TPO: variants seen among roughly 807,000 people sequenced by gnomAD.
The protein encoded by TPO is thyroid peroxidase.
Under a neutral mutation model 96.9 loss-of-function variants are expected in TPO, and 78 were observed. The observed-to-expected ratio is 0.81, with a 90% confidence interval of 0.67 to 0.97. The LOEUF is 0.97. Among genes scored for constraint, TPO ranks in the 50% least tolerant of loss-of-function variants. The pLI, the probability that TPO is intolerant of heterozygous loss-of-function variation, is 0.00. For missense variants in TPO, 1,252 were observed against 1,274.8 expected, an observed-to-expected ratio of 0.98 and a Z score of 0.27; for synonymous variants, 547 against 538.0, an observed-to-expected ratio of 1.02 and a Z score of -0.23.
At chr2:1,397,557 A>G (rs1411032651) in intron 1 of TPO, among the ~76,000 whole-genome samples, 1 of 152,222 alleles carries the variant, frequency 6.6e-6, no homozygotes, top group African/African-American at 2.4e-5. Flanking sequence ...AGACATAGCC[A>G]GCTCTCGGCC....
chr2:1,453,572 C>T (rs1667508197), intron 5 of TPO, 122 bp from the exon 6 acceptor site: 1 of 1,496,930 alleles, frequency 6.7e-7, no homozygotes, highest in African/African-American at 1.4e-5. Context: ...GGGAGCTGTG[C>T]CCCTTGGGCC....
chr2:1,412,028 A>G (rs1250403617), upstream of TPO, among the ~76,000 whole-genome samples: 7 of 152,184 alleles, frequency 4.6e-5, no homozygotes, highest in Non-Finnish European at 5.9e-5. Flanking sequence ...CTCACAGTCC[A>G]CTACTGTATC....
chr2:1,478,129 AG>A, intron 8 of TPO: 1 of 985,438 alleles, frequency 1.0e-6, no homozygotes, highest in East Asian at 1.1e-4. Flanking sequence ...TGAACTAACA[AG>A]TTAGAGTCTA....
At chr2:1,404,454 A>G (rs1030618020) in intron 1 of TPO, among the ~76,000 whole-genome samples, 1 of 152,192 alleles carries the variant, frequency 6.6e-6, no homozygotes, top group African/African-American at 2.4e-5. Context: ...GCATTTCAGA[A>G]TGTACCTGGA....
intron 15 of TPO, 30 bp from the exon 16 acceptor site, chr2:1,540,541 CACAGTCACGGTGCCGGACCCTCT>C: frequency 6.2e-7 from 1 of 1,607,518 alleles, no homozygotes; most frequent in Non-Finnish European, 8.5e-7. Context: ...CTCTACCCTC[CACAGTCACGGTGCCGGACCCTCT>C]CCCGATAACT....
chr2:1,449,577 G>A (rs987796464), intron 5 of TPO, among the ~76,000 whole-genome samples: 1 of 152,172 alleles, frequency 6.6e-6, no homozygotes, highest in Non-Finnish European at 1.5e-5. Context: ...AAGAGTTTAA[G>A]TTGCACTTGT....
chr2:1,502,744 G>A (rs1018764904), intron 13 of TPO, among the ~76,000 whole-genome samples: 16 of 152,304 alleles, frequency 1.1e-4, no homozygotes, highest in African/African-American at 2.4e-4. Context: ...ATTAAAGACC[G>A]TACTGTTTAG....
chr2:1,508,325 A>G (rs910442990), intron 14 of TPO, among the ~76,000 whole-genome samples: 82 of 152,260 alleles, frequency 5.4e-4, no homozygotes, highest in African/African-American at 1.9e-3. Context: ...ATGTTCATCA[A>G]GGATATTGGT....
At chr2:1,538,821 G>A (rs1026996461) in intron 15 of TPO, among the ~76,000 whole-genome samples, 3 of 152,138 alleles carry the variant, frequency 2.0e-5, no homozygotes, top group Admixed American at 6.5e-5. Flanking sequence ...AGCAAGTCAC[G>A]GTGTTGGCAG....
chr2:1,531,309 C>T (rs1434293569), intron 15 of TPO, among the ~76,000 whole-genome samples: 1 of 122,344 alleles, frequency 8.2e-6, no homozygotes, highest in Non-Finnish European at 1.7e-5. Context: ...TCCCTAAATC[C>T]CCCAACTGTG....
In TPO at chr2:1,504,019, G is replaced by A. The variant is rs750948449; in HGVS notation, c.2458G>A (p.Gly820Ser). Reference protein sequence around the residue: ...ASARCRNTKGGFQCLCADPYE... With the variant: ...ASARCRNTKGSFQCLCADPYE... ...TGCGAGGTGCAGAAACACCAAAGGC[G>A]GCTTCCAGTGTCTCTGCGCGGACCC... Residue 820 changes from glycine to serine, a missense_variant, in exon 14 of 17, where the codon GGC (glycine) becomes AGC (serine). Coordinates refer to ENST00000329066, the MANE Select transcript of TPO (RefSeq NM_001206744.2). The A allele has an allele frequency of 1.1e-5, 17 of 1,614,092 alleles. No homozygotes were observed. Among genetic ancestry groups the A allele is most frequent in the South Asian group, 5.5e-5 (5 of 91,092 alleles).
intron 2 of TPO, among the ~76,000 whole-genome samples, chr2:1,414,869 G>A (rs1662729215): frequency 6.6e-6 from 1 of 152,220 alleles, no homozygotes; most frequent in East Asian, 1.9e-4. Flanking sequence ...GTGAAAACAA[G>A]TTAAGAAAGC....
At chr2:1,529,917 A>ACC (rs1558420705) in intron 15 of TPO, among the ~76,000 whole-genome samples, 1 of 81,690 alleles carries the variant, frequency 1.2e-5, no homozygotes, top group Admixed American at 1.4e-4. Context: ...AAACTCCCCA[A>ACC]ACCCCCCCCT....
chr2:1,463,404 TC>T (rs1201958730), intron 7 of TPO, among the ~76,000 whole-genome samples: 1 of 152,212 alleles, frequency 6.6e-6, no homozygotes, highest in Non-Finnish European at 1.5e-5. Context: ...ACTCAAAGCA[TC>T]CAGTTTGGTC....
intron 15 of TPO, among the ~76,000 whole-genome samples, chr2:1,525,470 T>C (rs13382606): frequency 0.53 from 26,305 of 50,036 alleles, 6,296 homozygotes; most frequent in Admixed American, 0.58. Flanking sequence ...ACCCCCAAAT[T>C]TCCCCCACTG....
chr2:1,505,672 G>A (rs1393652180), intron 14 of TPO, among the ~76,000 whole-genome samples: 1 of 151,956 alleles, frequency 6.6e-6, no homozygotes, highest in South Asian at 2.1e-4. Context: ...TGTTACATAG[G>A]TATACGTGTG....
intron 15 of TPO, among the ~76,000 whole-genome samples, chr2:1,538,977 C>A (rs28913042): frequency 3.3e-5 from 5 of 151,758 alleles, no homozygotes; most frequent in Non-Finnish European, 5.9e-5. Flanking sequence ...TTCTCCCCTG[C>A]GTGTCTGTAT....
rs1670516012 is a variant in TPO at position 1,480,773 on chromosome 2, C to CCTGCATCCGTCCACACCACCTCCCTCCTG, written c.1338+3190_1338+3191insCCCTCCTGCTGCATCCGTCCACACCACCT. On this transcript the variant is annotated intron_variant, in intron 8 of 16. Coordinates refer to ENST00000329066, the MANE Select transcript of TPO (RefSeq NM_001206744.2). ...CATCCGTCCACACCACCTCCCTCCT[C>CCTGCATCCGTCCACACCACCTCCCTCCTG]CTGCATCCGTCCACACCACCTTCCT... 2.6e-4 allele frequency among the ~76,000 whole-genome samples: 24 copies of CCTGCATCCGTCCACACCACCTCCCTCCTG among 94,020 alleles called. 1 individual carries two copies. The highest frequency in any genetic ancestry group is 9.0e-4 in the African/African-American group (24 of 26,744). The allele number at this position is 94,020 out of a possible 152,430, so 61.7% of individuals were successfully genotyped here.
At chr2:1,540,813 C>A (rs1680668684) in intron 16 of TPO, 90 bp downstream of exon 16, 1 of 1,606,170 alleles carries the variant, frequency 6.2e-7, no homozygotes, top group Non-Finnish European at 8.5e-7. Context: ...GGGCTCCCTG[C>A]ATATTTCTGT....
Sources: gnomAD v4.1 joint callset for allele counts (sites outside exome capture counted in the v4.1 genomes callset) on GRCh38, gnomAD v4.1.1 for gene constraint, MANE v1.5 for transcripts, NCBI Gene and HGNC (gene_info 2026-07-23, HGNC 2026-07-21) for gene names.